FBN2: variants seen among roughly 807,000 people sequenced by gnomAD.
The protein encoded by FBN2 is fibrillin 2.
In FBN2, 105 loss-of-function variants were observed where a neutral mutation model predicts 355.6. The ratio of observed to expected loss-of-function variants is 0.30; its 90% CI spans 0.25 to 0.35. The LOEUF (loss-of-function observed/expected upper bound fraction) is 0.35, where lower values mean the gene tolerates loss of function less well. Ranked by LOEUF, FBN2 falls within the 10% of genes least tolerant of loss-of-function variation. The pLI is 1.00. For synonymous variants in FBN2, 1,350 were observed against 1,301.2 expected, an observed-to-expected ratio of 1.04 and a Z score of -0.81; for missense variants, 3,280 against 3,758.7, an observed-to-expected ratio of 0.87 and a Z score of 3.33.
At chr5:128,520,487 A>AG (rs1388862948) in intron 4 of FBN2, among the ~76,000 whole-genome samples, 2 of 152,182 alleles carry the variant, frequency 1.3e-5, no homozygotes, top group African/African-American at 4.8e-5. Context: ...ATTAAAGGGA[A>AG]GTGGGGGGCC....
In FBN2 at chr5:128,350,911, G is replaced by A. The variant is rs1751338374; in HGVS notation, c.2769C>T (p.Thr923=). ...GATLKSECCA[T]LGAAWGSPCE... is the part of the protein sequence containing the mutation. ...AGGGGCTCCCCCAGGCGGCTCCGAG[G>A]GTGGCACAGCATTCAGATTTCAGAG... Residue 923 remains threonine, a synonymous_variant, in exon 21 of 65, where the codon ACC becomes ACT. Transcript: ENST00000262464. 1 of 1,613,982 alleles carries A rather than the reference G, an allele frequency of 6.2e-7. No individual in the cohort carries two copies. Among genetic ancestry groups the A allele is most frequent in the East Asian group, 2.2e-5 (1 of 44,870 alleles).
chr5:128,430,386 A>G (rs918630779), intron 7 of FBN2, among the ~76,000 whole-genome samples: 9 of 151,894 alleles, frequency 5.9e-5, no homozygotes, highest in Non-Finnish European at 1.3e-4. Context: ...CTTTTTTGTT[A>G]TATTTGGCTT....
chr5:128,303,139 T>C (rs773194762), intron 45 of FBN2, 50 bp from the exon 46 acceptor site: 1 of 1,094,024 alleles, frequency 9.1e-7, no homozygotes, highest in Non-Finnish European at 1.4e-6. Flanking sequence ...TAGAAAAAAA[T>C]GGGCTATTAA....
chr5:128,448,304 T>C (rs1055097741), intron 6 of FBN2, among the ~76,000 whole-genome samples: 1 of 151,868 alleles, frequency 6.6e-6, no homozygotes, highest in Non-Finnish European at 1.5e-5. Context: ...TATCCTAATT[T>C]TCTTTCTTTT....
At chr5:128,388,359 T>C (rs187853567) in intron 11 of FBN2, among the ~76,000 whole-genome samples, 32 of 152,352 alleles carry the variant, frequency 2.1e-4, no homozygotes, top group Admixed American at 1.8e-3. Context: ...AATATTGGTA[T>C]GTGCTGATTT....
chr5:128,442,784 G>C (rs774246526), intron 7 of FBN2, among the ~76,000 whole-genome samples: 6 of 151,900 alleles, frequency 3.9e-5, no homozygotes, highest in African/African-American at 1.2e-4. Flanking sequence ...TACACACACA[G>C]AGAGAGAGGA....
At position 128,289,189 on chromosome 5, in the gene FBN2, C is replaced by A; in HGVS notation, c.6575G>T (p.Gly2192Val). ...CSNGQCINTD[G>V]SFRCECPMGY... The stretch of plus-strand genomic sequence containing the variant: ...CATTGGACATTCACAGCGAAAAGAT[C>A]CGTCGGTGTTGATACATTGACCATT... Residue 2192 changes from glycine (G) to valine (V), a missense_variant, in exon 52 of 65, where the codon GGA (glycine) becomes GTA (valine). Physicochemically the swap from Gly to Val is moderately radical, Grantham distance 109. Coordinates refer to ENST00000262464, the MANE Select transcript of FBN2 (RefSeq NM_001999.4). 1 of 1,613,824 alleles carries A rather than the reference C, an allele frequency of 6.2e-7. No homozygotes were observed. Among genetic ancestry groups the A allele is most frequent in the Non-Finnish European group, 8.5e-7 (1 of 1,179,706 alleles).
chr5:128,323,554 A>G (rs192515208), intron 34 of FBN2, among the ~76,000 whole-genome samples: 25 of 152,292 alleles, frequency 1.6e-4, no homozygotes, highest in Non-Finnish European at 2.9e-4. Context: ...ATAATCATGC[A>G]GTTTTTGTCA....
intron 5 of FBN2, among the ~76,000 whole-genome samples, chr5:128,518,594 T>G (rs555634724): frequency 2.0e-4 from 31 of 152,270 alleles, no homozygotes; most frequent in Admixed American, 7.8e-4. Context: ...TTTTAAAAAC[T>G]CAAGCTTAAA....
chr5:128,305,570 C>T lies in FBN2; in HGVS notation c.5615G>A (p.Gly1872Asp). The T allele has an allele frequency of 1.2e-6, 2 of 1,613,976 alleles. No homozygotes were observed. The highest frequency in any genetic ancestry group is 1.7e-6 in the Non-Finnish European group (2 of 1,179,924). Residue 1872 changes from glycine (G) to aspartate (D), a missense_variant, in exon 44 of 65, where the codon GGT becomes GAT. Transcript: ENST00000262464. ...QRNADCINSPGSYRCECAAGF... is the reference protein window; with the variant it reads ...QRNADCINSPDSYRCECAAGF... ...CGCGGCACATTCACAGCGGTAACTA[C>T]CAGGACTATTGATGCAGTCTGCATT...
At chr5:128,458,911 A>T (rs1046944226) in intron 6 of FBN2, among the ~76,000 whole-genome samples, 3 of 152,124 alleles carry the variant, frequency 2.0e-5, no homozygotes, top group Non-Finnish European at 4.4e-5. Context: ...GAGCAAACTA[A>T]TCCAAAAGCT....
chr5:128,379,135 T>C (rs1752162482), intron 11 of FBN2, among the ~76,000 whole-genome samples: 1 of 152,118 alleles, frequency 6.6e-6, no homozygotes, highest in Admixed American at 6.6e-5. Context: ...GAATTAAAGA[T>C]TTTTCAGTTG....
intron 17 of FBN2, among the ~76,000 whole-genome samples, chr5:128,365,723 TTAA>T (rs1160516968): frequency 2.7e-5 from 4 of 150,496 alleles, no homozygotes; most frequent in Middle Eastern, 7.2e-3. Flanking sequence ...ATAGTGAAGA[TTAA>T]TAACACCCAA....
At chr5:128,516,933 C>T (rs1395470002) in intron 5 of FBN2, among the ~76,000 whole-genome samples, 1 of 152,106 alleles carries the variant, frequency 6.6e-6, no homozygotes, top group Non-Finnish European at 1.5e-5. Flanking sequence ...TGTAAGAGTG[C>T]AACTTGTTAA....
chr5:128,310,396 A>ATG (rs1750017038), intron 39 of FBN2, among the ~76,000 whole-genome samples: 1 of 18,414 alleles, frequency 5.4e-5, no homozygotes, highest in African/African-American at 2.0e-4. Context: ...ATATATATAT[A>ATG]TATATATTTT....
chr5:128,508,911 T>C (rs544300646), intron 5 of FBN2, among the ~76,000 whole-genome samples: 1 of 152,196 alleles, frequency 6.6e-6, no homozygotes, highest in South Asian at 2.1e-4. Context: ...GCTCTAAATG[T>C]GCTGTTCCAC....
rs184378466 is a variant in FBN2 at position 128,385,726 on chromosome 5, G to C, written c.1603+6292C>G. Among the ~76,000 whole-genome samples the C allele has an allele frequency of 3.3e-5, 5 of 152,094 alleles. No individual in the cohort carries two copies. The East Asian group carries it at 9.7e-4, about 29-fold the overall frequency. On this transcript the variant is annotated intron_variant, in intron 11 of 64. Coordinates refer to ENST00000262464, the MANE Select transcript of FBN2 (RefSeq NM_001999.4). ...TACCAGCATCTACTTTTTAATAACAGCCATTTTGACTGGTATAATATGGTA... is the reference window on the plus strand; with the variant it reads ...TACCAGCATCTACTTTTTAATAACACCCATTTTGACTGGTATAATATGGTA...
intron 5 of FBN2, among the ~76,000 whole-genome samples, chr5:128,478,661 T>C (rs1367407974): frequency 6.6e-6 from 1 of 152,200 alleles, no homozygotes; most frequent in African/African-American, 2.4e-5. Flanking sequence ...CCTGCTGAGT[T>C]TAGATCCAGA....
intron 5 of FBN2, among the ~76,000 whole-genome samples, chr5:128,499,897 C>T (rs2127138015): frequency 6.6e-6 from 1 of 152,160 alleles, no homozygotes; most frequent in Non-Finnish European, 1.5e-5. Flanking sequence ...AGGCTTTGCC[C>T]ATATGCAAAA....
Sources: allele counts gnomAD v4.1 joint callset (sites outside exome capture counted in the v4.1 genomes callset), GRCh38; gene constraint gnomAD v4.1.1; transcripts MANE v1.5; gene names NCBI Gene and HGNC (gene_info 2026-07-23, HGNC 2026-07-21).